The following FRMD4B variants were observed in gnomAD, a reference collection of about 807,000 sequenced individuals.
FRMD4B encodes FERM domain containing 4B.
Under a neutral mutation model 141.5 loss-of-function variants are expected in FRMD4B, and 74 were observed. That is an observed-to-expected ratio of 0.52 (90% CI 0.43 to 0.63). The LOEUF is 0.63. Among genes scored for constraint, FRMD4B ranks in the 30% least tolerant of loss-of-function variants. The pLI is 0.00. For missense variants in FRMD4B, 1,366 were observed against 1,253.4 expected, an observed-to-expected ratio of 1.09 and a Z score of -1.36; for synonymous variants, 506 against 467.9, an observed-to-expected ratio of 1.08 and a Z score of -1.05.
intron 1 of FRMD4B, among the ~76,000 whole-genome samples, chr3:69,456,629 T>G (rs1022937470): frequency 6.6e-6 from 1 of 152,094 alleles, no homozygotes; most frequent in East Asian, 1.9e-4. Flanking sequence ...TTGTCTGTCT[T>G]GTTCGCCATT....
At chr3:69,424,071 T>C (rs144027951) in intron 2 of FRMD4B, among the ~76,000 whole-genome samples, 187 of 152,344 alleles carry the variant, frequency 1.2e-3, no homozygotes, top group African/African-American at 4.4e-3. Flanking sequence ...GTACTTTTGA[T>C]ATGAGTTCAA....
rs1417992235 is a variant in FRMD4B at position 69,244,208 on chromosome 3, T to C, written c.581+5018A>G. On this transcript the variant is annotated intron_variant, in intron 7 of 22. Coordinates refer to ENST00000398540, the MANE Select transcript of FRMD4B (RefSeq NM_015123.3). ...ATCTGTCTGACAGGTGGGAAAAAGA[T>C]GGGAAAGGAAAGGGGAAATCCTCAG... is the stretch of plus-strand genomic sequence containing the variant. Among the ~76,000 whole-genome samples, 3 of 151,666 alleles carry C rather than the reference T, an allele frequency of 2.0e-5. No homozygotes were observed. The East Asian group carries it at 5.8e-4, about 29-fold the overall frequency.
chr3:69,204,414 A>G (rs2093001504), intron 11 of FRMD4B, among the ~76,000 whole-genome samples: 1 of 152,164 alleles, frequency 6.6e-6, no homozygotes, highest in South Asian at 2.1e-4. Flanking sequence ...TAATCATTTA[A>G]CTGCAAATTC....
chr3:69,197,493 C>T (rs72930233), intron 12 of FRMD4B, among the ~76,000 whole-genome samples: 3,731 of 150,656 alleles, frequency 0.025, 161 homozygotes, highest in African/African-American at 0.084. Context: ...ATGCACTTAA[C>T]GATAATGGCT....
At chr3:69,395,630 A>T (rs1704461849) in intron 2 of FRMD4B, among the ~76,000 whole-genome samples, 2 of 152,202 alleles carry the variant, frequency 1.3e-5, no homozygotes, top group South Asian at 4.1e-4. Flanking sequence ...CTAGCATCCC[A>T]AAAAAGGGAC....
rs569760768 is a variant in FRMD4B at position 69,329,028 on chromosome 3, C to T, written c.163-15511G>A. 5.9e-5 allele frequency among the ~76,000 whole-genome samples: 9 copies of T among 152,232 alleles called. 1 individual carries two copies. Among genetic ancestry groups the T allele is most frequent in the African/African-American group, 9.6e-5 (4 of 41,534 alleles). ...GACTCATCCTAAATTCTTTCCTGCT[C>T]GAGATCTAAGAACTCTTGGGCTCTG... is the stretch of plus-strand genomic sequence containing the variant. On this transcript the variant is annotated intron_variant, in intron 1 of 22. Transcript: ENST00000398540.
At chr3:69,455,195 T>A (rs962191469) in intron 1 of FRMD4B, among the ~76,000 whole-genome samples, 1 of 152,144 alleles carries the variant, frequency 6.6e-6, no homozygotes, top group African/African-American at 2.4e-5. Flanking sequence ...CAGCTCCCTG[T>A]AAAATGGGCC....
chr3:69,476,868 C>T (rs536904852), intron 1 of FRMD4B, among the ~76,000 whole-genome samples: 9 of 152,146 alleles, frequency 5.9e-5, no homozygotes, highest in African/African-American at 2.2e-4. Flanking sequence ...TTTGTATCCT[C>T]TTTTATTTCA....
intron 1 of FRMD4B, among the ~76,000 whole-genome samples, chr3:69,456,401 G>C (rs1292960385): frequency 1.3e-5 from 2 of 152,024 alleles, no homozygotes; most frequent in African/African-American, 4.8e-5. Flanking sequence ...AGGAAAAAAT[G>C]ATGGTTTTTC....
At chr3:69,188,714 G>T (rs1450699068) in intron 18 of FRMD4B, among the ~76,000 whole-genome samples, 1 of 143,014 alleles carries the variant, frequency 7.0e-6, no homozygotes, top group African/African-American at 2.6e-5. Flanking sequence ...CCGAGATTGC[G>T]CCACTGCAGT....
intron 1 of FRMD4B, among the ~76,000 whole-genome samples, chr3:69,452,963 A>G (rs370966677): frequency 1.7e-4 from 26 of 152,354 alleles, no homozygotes; most frequent in African/African-American, 4.6e-4. Flanking sequence ...AATATTTTGC[A>G]TTCTATTTTT....
At chr3:69,392,408 T>G (rs1021237227) in intron 2 of FRMD4B, among the ~76,000 whole-genome samples, 1 of 152,048 alleles carries the variant, frequency 6.6e-6, no homozygotes, top group Non-Finnish European at 1.5e-5. Context: ...TGGGGGTACA[T>G]GATAGCAATC....
intron 2 of FRMD4B, among the ~76,000 whole-genome samples, chr3:69,425,714 A>G (rs151122417): frequency 2.0e-5 from 3 of 152,336 alleles, no homozygotes; most frequent in African/African-American, 7.2e-5. Flanking sequence ...TACAAAGTAG[A>G]TGCACAATAA....
chr3:69,268,645 TA>T (rs1229310291), intron 5 of FRMD4B, among the ~76,000 whole-genome samples: 4 of 151,960 alleles, frequency 2.6e-5, no homozygotes, highest in Non-Finnish European at 1.5e-5. Context: ...TCAAGGATTT[TA>T]GAGGAAGAAA....
At chr3:69,536,478 C>T (rs113138405) in intron 1 of FRMD4B, 69 of 699,820 alleles carry the variant, frequency 9.9e-5, no homozygotes, top group Non-Finnish European at 1.4e-4. Context: ...TGACGGCCAC[C>T]GCCAACGTGC....
intron 1 of FRMD4B, among the ~76,000 whole-genome samples, chr3:69,452,380 C>T (rs536611912): frequency 1.3e-5 from 2 of 152,286 alleles, no homozygotes; most frequent in East Asian, 3.9e-4. Context: ...TGGTCAAAAG[C>T]GAAATCTTTT....
At chr3:69,491,486 C>A (rs1706300133) in intron 1 of FRMD4B, among the ~76,000 whole-genome samples, 1 of 152,100 alleles carries the variant, frequency 6.6e-6, no homozygotes, top group Non-Finnish European at 1.5e-5. Flanking sequence ...AGAATCAACA[C>A]AAAGAAAATG....
chr3:69,283,330 G>A, intron 5 of FRMD4B, among the ~76,000 whole-genome samples: 1 of 151,136 alleles, frequency 6.6e-6, no homozygotes, highest in South Asian at 2.1e-4. Context: ...GTTGCAGTGA[G>A]CTGAGATTGC....
intron 3 of FRMD4B, among the ~76,000 whole-genome samples, chr3:69,308,964 T>C (rs1308937051): frequency 6.6e-6 from 1 of 152,192 alleles, no homozygotes; most frequent in East Asian, 1.9e-4. Context: ...CACTTATAAT[T>C]GCTGATATTC....
Sources: gnomAD v4.1 joint callset for allele counts (sites outside exome capture counted in the v4.1 genomes callset) on GRCh38, gnomAD v4.1.1 for gene constraint, MANE v1.5 for transcripts, NCBI Gene and HGNC (gene_info 2026-07-23, HGNC 2026-07-21) for gene names.